Variants in SLC28A1 observed in about 807,000 individuals in gnomAD.
SLC28A1 encodes the protein solute carrier family 28 member 1, also known as sodium/nucleoside cotransporter 1.
SLC28A1 carries 64 observed loss-of-function variants against 74.8 expected under a neutral mutation model. The observed-to-expected ratio is 0.86, with a 90% confidence interval of 0.70 to 1.05. SLC28A1 has a LOEUF of 1.05. Ranked by LOEUF, SLC28A1 falls within the 50% of genes least tolerant of loss-of-function variation. The probability of loss-of-function intolerance (pLI) is 0.00; values close to 1 mark genes in which losing one functional copy is unlikely to be tolerated. For synonymous variants in SLC28A1, 359 were observed against 335.0 expected (o/e 1.07, Z -0.78); for missense variants, 828 against 822.8 (o/e 1.01, Z -0.08).
chr15:84,903,108 G>A (rs540536246), intron 6 of SLC28A1, among the ~76,000 whole-genome samples: 2 of 152,322 alleles, frequency 1.3e-5, no homozygotes, highest in East Asian at 1.9e-4. Flanking sequence ...CAAAAACAAG[G>A]CAAAGATTGT....
In SLC28A1 at chr15:84,900,719, A is replaced by T. The variant is rs755887944; in HGVS notation, c.462-3378A>T. ...CTTGAGAGGCTAAGGTAGGAGGATC[A>T]CCTGAGCACAGAAGGTCGAGACTGC... On this transcript the variant is annotated intron_variant, in intron 6 of 18. Transcript: ENST00000394573. Among the ~76,000 whole-genome samples, 69 of 152,056 alleles carry T rather than the reference A, an allele frequency of 4.5e-4. 1 individual carries two copies. Among genetic ancestry groups the T allele is most frequent in the Admixed American group, 3.0e-3 (46 of 15,258 alleles).
At chr15:84,927,398 A>T (rs1039044343) in intron 12 of SLC28A1, among the ~76,000 whole-genome samples, 2 of 152,226 alleles carry the variant, frequency 1.3e-5, no homozygotes, top group Non-Finnish European at 2.9e-5. Flanking sequence ...ATGGATAGCC[A>T]CATAGAAATA....
At chr15:84,907,300 A>T (rs963025579) in intron 8 of SLC28A1, among the ~76,000 whole-genome samples, 1 of 152,080 alleles carries the variant, frequency 6.6e-6, no homozygotes, top group Admixed American at 6.6e-5. Flanking sequence ...AATTTTTTTT[A>T]AATCTATTTA....
downstream of SLC28A1, among the ~76,000 whole-genome samples, chr15:84,950,289 A>G (rs1375582039): frequency 6.6e-6 from 1 of 151,856 alleles, no homozygotes; most frequent in Non-Finnish European, 1.5e-5. Flanking sequence ...AATATCAGGC[A>G]CCAACATCAG....
Position 84,933,271 on chromosome 15 carries a change from T to G in SLC28A1, c.1210T>G (p.Tyr404Asp). Residue 404 changes from tyrosine (Y) to aspartate (D), a missense_variant, in exon 13 of 19, where the codon TAT (tyrosine) becomes GAT (aspartate). Physicochemically the swap from Tyr to Asp is radical, Grantham distance 160 (BLOSUM62 -3). Coordinates refer to ENST00000394573, the MANE Select transcript of SLC28A1 (RefSeq NM_004213.5). ...GAGGGAGGAAGGAGTGAAACTGACC[T>G]ATGGGTGAGCACAGCAGGAGGTCCT... Reference protein sequence around the residue: ...FRREEGVKLTYGDAQNLIEAA... With the variant: ...FRREEGVKLTDGDAQNLIEAA... 6.2e-7 allele frequency: 1 copy of G among 1,612,806 alleles called. No homozygotes were observed. The highest frequency in any genetic ancestry group is 8.5e-7 in the Non-Finnish European group (1 of 1,179,306).
downstream of SLC28A1, among the ~76,000 whole-genome samples, chr15:84,946,327 T>C (rs1475412567): frequency 1.3e-5 from 2 of 151,532 alleles, no homozygotes; most frequent in African/African-American, 4.9e-5. Flanking sequence ...TATTGGCTAA[T>C]GTTCAAACTG....
At chr15:84,918,815 TCCTG>T (rs1567159201) in intron 10 of SLC28A1, among the ~76,000 whole-genome samples, 22 of 67,252 alleles carry the variant, frequency 3.3e-4, no homozygotes, top group African/African-American at 1.1e-3. Flanking sequence ...AATCCTTTGC[TCCTG>T]AGGCCCATAC....
At chr15:84,968,797 T>C in the SLC28A1 span, among the ~76,000 whole-genome samples, 1 of 152,242 alleles carries the variant, frequency 6.6e-6, no homozygotes, top group Non-Finnish European at 1.5e-5. Context: ...AACATTCTGA[T>C]ATCTCATCCC....
chr15:84,961,306 T>G, the SLC28A1 span, among the ~76,000 whole-genome samples: 2 of 151,804 alleles, frequency 1.3e-5, no homozygotes, highest in Admixed American at 1.3e-4. Flanking sequence ...CAACCTCAGG[T>G]GACTCATTCT....
chr15:84,891,628 C>T (rs76469708), intron 5 of SLC28A1, among the ~76,000 whole-genome samples: 1,582 of 152,320 alleles, frequency 0.01, 13 homozygotes, highest in Middle Eastern at 0.031. Flanking sequence ...AGATCAGCAG[C>T]ATCTCTGCAA....
intron 12 of SLC28A1, 150 bp downstream of exon 12, chr15:84,924,260 G>T: frequency 1.0e-6 from 1 of 987,726 alleles, no homozygotes; most frequent in East Asian, 2.4e-5. Flanking sequence ...CCTGAGCCCA[G>T]TGGGCTGGAC....
At chr15:84,969,535 CG>C in the SLC28A1 span, among the ~76,000 whole-genome samples, 4 of 151,872 alleles carry the variant, frequency 2.6e-5, no homozygotes, top group Non-Finnish European at 4.4e-5. Context: ...CCCTGCCCCC[CG>C]ACTCGGACTT....
At chr15:84,887,422 G>A (rs1025806619) in intron 2 of SLC28A1, 29 of 983,844 alleles carry the variant, frequency 2.9e-5, no homozygotes, top group Admixed American at 6.1e-5. Context: ...GGTGGCGCAC[G>A]CCTGTAATCC....
chr15:84,913,449 C>T (rs1968630870), intron 9 of SLC28A1, among the ~76,000 whole-genome samples: 1 of 152,206 alleles, frequency 6.6e-6, no homozygotes, highest in African/African-American at 2.4e-5. Context: ...ATGAAGTTTG[C>T]TCAGAGCGTC....
At chr15:84,951,521 A>G in the SLC28A1 span, among the ~76,000 whole-genome samples, 2 of 151,618 alleles carry the variant, frequency 1.3e-5, no homozygotes, top group Non-Finnish European at 2.9e-5. Flanking sequence ...TTTATGTGAG[A>G]GGGGAATAAG....
intron 11 of SLC28A1, among the ~76,000 whole-genome samples, chr15:84,922,989 C>T (rs7184004): frequency 0.26 from 38,918 of 152,100 alleles, 5,558 homozygotes; most frequent in Non-Finnish European, 0.31. Context: ...TAGGCTGGAG[C>T]GCAGTGGCAC....
chr15:84,954,199 A>T, the SLC28A1 span, among the ~76,000 whole-genome samples: 1 of 152,162 alleles, frequency 6.6e-6, no homozygotes, highest in Non-Finnish European at 1.5e-5. Context: ...AGAAAATGGG[A>T]TAGGGTGATC....
At chr15:84,911,858 C>CAAA (rs57067372) in intron 9 of SLC28A1, among the ~76,000 whole-genome samples, 58 of 114,588 alleles carry the variant, frequency 5.1e-4, no homozygotes, top group African/African-American at 1.4e-3. Flanking sequence ...GACTCCATCT[C>CAAA]AAAAAAAAAA....
rs1477176995 is a variant in SLC28A1, at chr15:84,895,040, C to T, written c.378C>T (p.Arg126=). Residue 126 remains arginine (R), a synonymous_variant, in exon 6 of 19, where the codon CGC becomes CGT. Coordinates refer to ENST00000394573, the MANE Select transcript of SLC28A1 (RefSeq NM_004213.5). ...TGGTCCTCACCTTCCTGGGCCACCGCCTGCTGAAACGGCTTCTGGGGCCAA... is the reference window on the plus strand; with the variant it reads ...TGGTCCTCACCTTCCTGGGCCACCGTCTGCTGAAACGGCTTCTGGGGCCAA... ...TCVVLTFLGH[R]LLKRLLGPKL... is the part of the protein sequence containing the mutation. 3 of 1,613,706 alleles carry T rather than the reference C, an allele frequency of 1.9e-6. No individual in the cohort carries two copies. Among genetic ancestry groups the T allele is most frequent in the Non-Finnish European group, 2.5e-6 (3 of 1,179,848 alleles).
Sources: allele counts gnomAD v4.1 joint callset (sites outside exome capture counted in the v4.1 genomes callset), GRCh38; gene constraint gnomAD v4.1.1; transcripts MANE v1.5; gene names NCBI Gene and HGNC (gene_info 2026-07-23, HGNC 2026-07-21).